The following PREX2 variants were observed in gnomAD, a reference collection of about 807,000 sequenced individuals.
The protein encoded by PREX2 is phosphatidylinositol-3,4,5-trisphosphate dependent Rac exchange factor 2.
A neutral mutation model predicts 203.2 loss-of-function variants in PREX2; 107 were observed. The observed-to-expected ratio is 0.53, with a 90% CI of 0.45 to 0.62. The LOEUF (loss-of-function observed/expected upper bound fraction) is 0.62, where lower values mean the gene tolerates loss of function less well. Among genes scored for constraint, PREX2 ranks in the 20% least tolerant of loss-of-function variants. The pLI, the probability that PREX2 is intolerant of heterozygous loss-of-function variation, is 0.00. For missense variants in PREX2, 1,777 were observed against 1,955.9 expected (o/e 0.91, Z 1.72); for synonymous variants, 672 against 663.6 (o/e 1.01, Z -0.19).
intron 37 of PREX2, among the ~76,000 whole-genome samples, chr8:68,210,548 G>C (rs1389469726): frequency 6.6e-6 from 1 of 152,264 alleles, no homozygotes; most frequent in African/African-American, 2.4e-5. Flanking sequence ...AATTGTTCTG[G>C]TTTCCCATGT....
chr8:67,973,210 A>G (rs1443365079), intron 1 of PREX2, among the ~76,000 whole-genome samples: 2 of 152,160 alleles, frequency 1.3e-5, no homozygotes, highest in African/African-American at 4.8e-5. Flanking sequence ...CCGTCCAACA[A>G]ACATTCTCAG....
At chr8:68,031,221 T>C (rs1807873840) in intron 6 of PREX2, among the ~76,000 whole-genome samples, 1 of 152,190 alleles carries the variant, frequency 6.6e-6, no homozygotes, top group East Asian at 1.9e-4. Flanking sequence ...TGTAAAATGT[T>C]TTCAGCTAAT....
chr8:68,160,546 G>A (rs1266260308), intron 35 of PREX2, among the ~76,000 whole-genome samples: 2 of 152,050 alleles, frequency 1.3e-5, no homozygotes, highest in Non-Finnish European at 2.9e-5. Context: ...AGTACTTCCT[G>A]TATGAATGTA....
chr8:67,968,657 C>T (rs1805840754), intron 1 of PREX2, among the ~76,000 whole-genome samples: 1 of 152,174 alleles, frequency 6.6e-6, no homozygotes, highest in Admixed American at 6.5e-5. Context: ...AGTGCAAACA[C>T]AATTACCACA....
chr8:68,133,597 T>C (rs1184628486), intron 31 of PREX2, among the ~76,000 whole-genome samples: 1 of 152,182 alleles, frequency 6.6e-6, no homozygotes, highest in Non-Finnish European at 1.5e-5. Flanking sequence ...TATTTCACAT[T>C]AGTATTTGAG....
At chr8:68,097,800 T>C (rs1039317248) in intron 22 of PREX2, among the ~76,000 whole-genome samples, 1 of 152,244 alleles carries the variant, frequency 6.6e-6, no homozygotes, top group African/African-American at 2.4e-5. Flanking sequence ...GTGAATTCAT[T>C]ATTGTGAATC....
At chr8:68,127,502 G>A (rs557595238) in intron 31 of PREX2, 83 bp downstream of exon 31, 80 of 874,682 alleles carry the variant, frequency 9.1e-5, no homozygotes, top group Middle Eastern at 2.9e-4. Flanking sequence ...TGAGGACAAC[G>A]CCTTCAACCA....
At chr8:68,231,022 A>C (rs1294542134) in intron 39 of PREX2, among the ~76,000 whole-genome samples, 2 of 152,198 alleles carry the variant, frequency 1.3e-5, no homozygotes, top group Non-Finnish European at 1.5e-5. Context: ...GAATCCAGAG[A>C]GTAGGTTTTA....
intron 15 of PREX2, among the ~76,000 whole-genome samples, chr8:68,079,863 G>A (rs1266406887): frequency 2.0e-5 from 3 of 152,090 alleles, no homozygotes; most frequent in Admixed American, 2.0e-4. Flanking sequence ...GGTTATTTGA[G>A]AATATTGCTT....
chr8:68,043,993 A>C (rs1808269391), intron 7 of PREX2, among the ~76,000 whole-genome samples: 1 of 152,154 alleles, frequency 6.6e-6, no homozygotes, highest in Non-Finnish European at 1.5e-5. Context: ...TATTATAAAA[A>C]TATGATAGGA....
chr8:68,179,368 T>G (rs1812041607), intron 35 of PREX2, among the ~76,000 whole-genome samples: 1 of 152,066 alleles, frequency 6.6e-6, no homozygotes, highest in Non-Finnish European at 1.5e-5. Context: ...GAGATGTAGC[T>G]TTGGCCTATT....
intron 1 of PREX2, among the ~76,000 whole-genome samples, chr8:67,984,437 A>G (rs765170785): frequency 2.0e-5 from 3 of 152,206 alleles, no homozygotes; most frequent in African/African-American, 7.2e-5. Context: ...AATCCAGAGT[A>G]TGTTATCGCA....
Position 68,236,136 on chromosome 8 carries a change from C to T in PREX2, c.*4758C>T, listed in dbSNP as rs1245077495. 1 of 152,050 alleles carries T rather than the reference C, an allele frequency of 6.6e-6. No individual in the cohort carries two copies. The highest frequency in any genetic ancestry group is 1.5e-5 in the Non-Finnish European group (1 of 68,002). The allele number at this position is 152,050 out of a possible 1,614,324, so 9.4% of individuals were successfully genotyped here. A position where few individuals can be genotyped will look rare whatever the true frequency, so the allele number is the denominator to read the frequency against. Reference sequence around the variant, plus strand: ...GTCTTACTGTAAGCATCAGAGCTGTCCAACCATGTGTAAATGTACCTGGTC... The same window carrying T: ...GTCTTACTGTAAGCATCAGAGCTGTTCAACCATGTGTAAATGTACCTGGTC... On this transcript the variant is annotated 3_prime_UTR_variant, in exon 40 of 40. Transcript: ENST00000288368.
rs771082245 is a variant in PREX2, at chr8:67,982,414, C to A, written c.141+29879C>A. ...CTCCAGCCTGGGCAACAGAGCAAGA[C>A]CCTGTCTCTAAAAAAAAATTAAAAG... is the stretch of plus-strand genomic sequence containing the variant. On this transcript the variant is annotated intron_variant, in intron 1 of 39. Coordinates refer to ENST00000288368, the MANE Select transcript of PREX2 (RefSeq NM_024870.4). 5.4e-4 allele frequency among the ~76,000 whole-genome samples: 82 copies of A among 152,148 alleles called. 1 individual carries two copies. Among genetic ancestry groups the A allele is most frequent in the South Asian group, 2.3e-3 (11 of 4,818 alleles).
rs145191086 is a variant in PREX2, at chr8:68,067,917, A to G, written c.1340-1116A>G. 1.6e-3 allele frequency among the ~76,000 whole-genome samples: 249 copies of G among 152,214 alleles called. 1 individual carries two copies. The highest frequency in any genetic ancestry group is 5.8e-3 in the African/African-American group (242 of 41,568). Reference sequence around the variant, plus strand: ...GCCAAATTTGTTGAGAGCTTTCATTATGAAAGGATGTTGAATTTTGACTAA... The same window carrying G: ...GCCAAATTTGTTGAGAGCTTTCATTGTGAAAGGATGTTGAATTTTGACTAA... On this transcript the variant is annotated intron_variant, in intron 11 of 39. Transcript: ENST00000288368.
At chr8:68,127,483 C>T (rs1446670887) in intron 31 of PREX2, 64 bp downstream of exon 31, 1 of 1,186,090 alleles carries the variant, frequency 8.4e-7, no homozygotes, top group East Asian at 2.4e-5. Flanking sequence ...TCATAAAGGC[C>T]TTGAAATTTG....
At chr8:68,204,962 T>A (rs1225777147) in intron 37 of PREX2, among the ~76,000 whole-genome samples, 1 of 152,032 alleles carries the variant, frequency 6.6e-6, no homozygotes, top group Non-Finnish European at 1.5e-5. Context: ...ATTACAGGCA[T>A]GAGCCACCAC....
intron 23 of PREX2, among the ~76,000 whole-genome samples, chr8:68,107,036 C>T (rs1810429977): frequency 2.0e-5 from 3 of 152,054 alleles, no homozygotes; most frequent in Admixed American, 6.6e-5. Flanking sequence ...TATGTATTAG[C>T]CTCATGGGGT....
intron 39 of PREX2, among the ~76,000 whole-genome samples, chr8:68,226,545 G>C (rs1481063652): frequency 6.6e-6 from 1 of 152,182 alleles, no homozygotes; most frequent in Non-Finnish European, 1.5e-5. Flanking sequence ...TGCTATCTCT[G>C]TCTGAGATAC....
Sources: allele counts gnomAD v4.1 joint callset (sites outside exome capture counted in the v4.1 genomes callset), GRCh38; gene constraint gnomAD v4.1.1; transcripts MANE v1.5; gene names NCBI Gene and HGNC (gene_info 2026-07-23, HGNC 2026-07-21).